The following CLNK variants were observed in gnomAD, a reference collection of about 807,000 sequenced individuals.
CLNK encodes cytokine dependent hematopoietic cell linker.
A neutral mutation model predicts 68.6 loss-of-function variants in CLNK; 74 were observed. The ratio of observed to expected loss-of-function variants is 1.08; its 90% CI spans 0.89 to 1.31. The LOEUF is 1.31. CLNK is among the 50% of genes most tolerant of loss of function. CLNK has a pLI of 0.00. For synonymous variants in CLNK, 198 were observed against 172.2 expected (o/e 1.15, Z -1.17); for missense variants, 553 against 515.3 (o/e 1.07, Z -0.71).
At chr4:10,734,525 C>T in the CLNK span, among the ~76,000 whole-genome samples, 1 of 152,172 alleles carries the variant, frequency 6.6e-6, no homozygotes, top group African/African-American at 2.4e-5. Flanking sequence ...TGAACAGACT[C>T]ACCATTGAAG....
rs558081379 is a variant in CLNK at position 10,593,515 on chromosome 4, G to A, written c.83+4463C>T. On this transcript the variant is annotated intron_variant, in intron 3 of 18. Coordinates refer to ENST00000226951, the MANE Select transcript of CLNK (RefSeq NM_052964.4). ...ACTAAAAATACAAAACTTGCTGGGC[G>A]TGGTGGCAGGCAGCTGTAATCCCAG... Among the ~76,000 whole-genome samples, 5 of 152,216 alleles carry A rather than the reference G, an allele frequency of 3.3e-5. No individual in the cohort carries two copies. The South Asian group carries it at 8.3e-4, about 25-fold the overall frequency.
chr4:10,630,292 T>A (rs1040941192), intron 2 of CLNK, among the ~76,000 whole-genome samples: 1 of 152,206 alleles, frequency 6.6e-6, no homozygotes, highest in Non-Finnish European at 1.5e-5. Flanking sequence ...ATGACACGCA[T>A]TTGTACCCAT....
At chr4:10,633,815 C>T (rs1261683244) in intron 2 of CLNK, among the ~76,000 whole-genome samples, 1 of 152,208 alleles carries the variant, frequency 6.6e-6, no homozygotes, top group Non-Finnish European at 1.5e-5. Flanking sequence ...TATGCACTTT[C>T]ACATACAATA....
intron 2 of CLNK, among the ~76,000 whole-genome samples, chr4:10,620,760 G>T (rs1316384593): frequency 1.3e-5 from 2 of 152,024 alleles, no homozygotes; most frequent in Non-Finnish European, 2.9e-5. Flanking sequence ...CTTCTGGCTT[G>T]CTTGACTGCC....
chr4:10,522,627 A>G (rs1376680796), intron 14 of CLNK, among the ~76,000 whole-genome samples: 1 of 151,946 alleles, frequency 6.6e-6, no homozygotes, highest in Non-Finnish European at 1.5e-5. Flanking sequence ...TCTTTTGTTT[A>G]ACAAACGTGT....
intron 2 of CLNK, among the ~76,000 whole-genome samples, chr4:10,645,619 G>C (rs1485727363): frequency 6.6e-6 from 1 of 151,846 alleles, no homozygotes; most frequent in Admixed American, 6.6e-5. Context: ...TATGTACCAG[G>C]TACGTAGTAG....
intron 5 of CLNK, among the ~76,000 whole-genome samples, chr4:10,568,825 G>T (rs61795104): frequency 0.041 from 6,206 of 152,282 alleles, 192 homozygotes; most frequent in Middle Eastern, 0.095. Context: ...GTTGAGCCAT[G>T]CTGTGCCCAG....
chr4:10,520,948 T>C, intron 14 of CLNK, 117 bp from the exon 15 acceptor site: 1 of 732,704 alleles, frequency 1.4e-6, no homozygotes, highest in East Asian at 2.7e-5. Flanking sequence ...AAGCACTTTA[T>C]ATTTTACTGG....
chr4:10,594,438 A>G (rs909107898), intron 3 of CLNK, among the ~76,000 whole-genome samples: 4 of 152,232 alleles, frequency 2.6e-5, no homozygotes, highest in African/African-American at 9.6e-5. Flanking sequence ...TTGAGCAAAC[A>G]TTGGCACCCA....
chr4:10,728,335 T>G, the CLNK span, among the ~76,000 whole-genome samples: 1 of 152,190 alleles, frequency 6.6e-6, no homozygotes, highest in African/African-American at 2.4e-5. Context: ...GGTGTTCCAT[T>G]GTTCTATTGT....
intron 2 of CLNK, among the ~76,000 whole-genome samples, chr4:10,660,013 C>A (rs2056408717): frequency 6.6e-6 from 1 of 152,200 alleles, no homozygotes; most frequent in East Asian, 1.9e-4. Flanking sequence ...GTGTTTTGGA[C>A]TTCATGGCTA....
chr4:10,581,663 T>G (rs1032546886), intron 4 of CLNK, among the ~76,000 whole-genome samples: 4 of 152,148 alleles, frequency 2.6e-5, no homozygotes, highest in African/African-American at 9.7e-5. Flanking sequence ...TAATTTTTTT[T>G]TTTTTTAAAT....
intron 2 of CLNK, among the ~76,000 whole-genome samples, chr4:10,610,346 T>C (rs920964126): frequency 7.6e-6 from 1 of 130,724 alleles, no homozygotes; most frequent in African/African-American, 2.7e-5. Context: ...GCCCGGCCCG[T>C]TTTTTTTTTT....
chr4:10,501,041 G>A (rs1172878057), intron 18 of CLNK, among the ~76,000 whole-genome samples: 2 of 152,212 alleles, frequency 1.3e-5, no homozygotes, highest in South Asian at 2.1e-4. Flanking sequence ...AACAGGCAAC[G>A]CAGGGAATGG....
At chr4:10,604,772 G>A (rs1721724947) in intron 2 of CLNK, among the ~76,000 whole-genome samples, 1 of 152,134 alleles carries the variant, frequency 6.6e-6, no homozygotes, top group African/African-American at 2.4e-5. Context: ...GCAATGAGAT[G>A]TTTTAATCAC....
intron 11 of CLNK, among the ~76,000 whole-genome samples, chr4:10,540,263 C>T (rs1388238137): frequency 6.6e-6 from 1 of 152,216 alleles, no homozygotes; most frequent in African/African-American, 2.4e-5. Context: ...CTTCCCCCTC[C>T]ACCATGATTG....
chr4:10,611,910 C>T (rs1722046182), intron 2 of CLNK, among the ~76,000 whole-genome samples: 1 of 152,176 alleles, frequency 6.6e-6, no homozygotes. Flanking sequence ...ACCGGCCCTC[C>T]ATGGTCTGGT....
chr4:10,598,343 C>G (rs1459721929), intron 2 of CLNK, among the ~76,000 whole-genome samples: 1 of 152,244 alleles, frequency 6.6e-6, no homozygotes, highest in African/African-American at 2.4e-5. Flanking sequence ...CCCTCATCAA[C>G]AGGGTGACCT....
chr4:10,636,635 A>G (rs143631400), intron 2 of CLNK, among the ~76,000 whole-genome samples: 1 of 152,284 alleles, frequency 6.6e-6, no homozygotes, highest in East Asian at 1.9e-4. Flanking sequence ...AGGGTGTAGC[A>G]GAAGGAATAG....
Sources: allele counts gnomAD v4.1 joint callset (sites outside exome capture counted in the v4.1 genomes callset), GRCh38; gene constraint gnomAD v4.1.1; transcripts MANE v1.5; gene names NCBI Gene and HGNC (gene_info 2026-07-23, HGNC 2026-07-21).